HMGB1: variants seen among roughly 807,000 people sequenced by gnomAD.
HMGB1 encodes high mobility group protein B1.
For missense variants in HMGB1, 79 were observed against 253.5 expected, an observed-to-expected ratio of 0.31 and a Z score of 4.67; for synonymous variants, 81 against 84.0, an observed-to-expected ratio of 0.96 and a Z score of 0.19.
chr13:30,522,108 A>ATTT (rs778790597), intron 1 of HMGB1, among the ~76,000 whole-genome samples: 4 of 43,302 alleles, frequency 9.2e-5, no homozygotes, highest in African/African-American at 8.3e-5. Context: ...TAATTATGAT[A>ATTT]CTTTTTTTTT....
rs1423282974 is a variant in HMGB1, at chr13:30,465,842, G to T, written c.-61C>A. 1.3e-5 allele frequency: 13 copies of T among 985,536 alleles called. No homozygotes were observed. Among genetic ancestry groups the T allele is most frequent in the African/African-American group, 3.5e-5 (2 of 57,350 alleles). The allele number at this position is 985,536 out of a possible 1,614,324, so 61.0% of individuals were successfully genotyped here. A position where few individuals can be genotyped will look rare whatever the true frequency, so the allele number is the denominator to read the frequency against. ...CCCAGTGCCCGTCCGGCTCTCACTT[G>T]CCCCGGTGCTGTCTCTATGGAGCTC... On this transcript the variant is annotated 5_prime_UTR_variant, in exon 1 of 5. Transcript: ENST00000341423.
intron 1 of HMGB1, among the ~76,000 whole-genome samples, chr13:30,547,559 G>T (rs1050870251): frequency 7.9e-5 from 12 of 152,156 alleles, no homozygotes; most frequent in Admixed American, 3.3e-4. Context: ...GGGGTGGTTT[G>T]CTATAGAGCA....
In HMGB1 at chr13:30,554,210, C is replaced by A; in HGVS notation, c.-15+62461G>T. The A allele has an allele frequency of 2.8e-6, 4 of 1,439,488 alleles. No individual in the cohort carries two copies. In the South Asian group the frequency reaches 4.6e-5, roughly 16 times the overall value. 89.2% of individuals were successfully genotyped at this position (1,439,488 alleles called of 1,614,324 possible). A position where few individuals can be genotyped will look rare whatever the true frequency, so the allele number is the denominator to read the frequency against. On this transcript the variant is annotated intron_variant, in intron 1 of 4. Coordinates refer to the HMGB1 transcript ENST00000405805. ...ATCTCACTTGCATTATACGACCTGGCCAGATTTTGGAGTCCCTGAATCACC... is the reference window on the plus strand; with the variant it reads ...ATCTCACTTGCATTATACGACCTGGACAGATTTTGGAGTCCCTGAATCACC...
intron 1 of HMGB1, among the ~76,000 whole-genome samples, chr13:30,493,117 T>C (rs1887536925): frequency 6.6e-6 from 1 of 151,686 alleles, no homozygotes; most frequent in African/African-American, 2.4e-5. Context: ...TGTACAGCAA[T>C]GTTCATTGTA....
intron 1 of HMGB1, chr13:30,553,931 G>A: frequency 6.2e-6 from 9 of 1,444,942 alleles, no homozygotes; most frequent in East Asian, 4.6e-5. Flanking sequence ...TCTTAACACC[G>A]GGTCCACTTC....
chr13:30,563,287 T>C (rs1376244760), intron 1 of HMGB1, among the ~76,000 whole-genome samples: 1 of 152,000 alleles, frequency 6.6e-6, no homozygotes, highest in Non-Finnish European at 1.5e-5. Context: ...TGGCCAGGAG[T>C]GATAACATTG....
chr13:30,517,941 C>T (rs1307487499), intron 1 of HMGB1, among the ~76,000 whole-genome samples: 1 of 152,180 alleles, frequency 6.6e-6, no homozygotes, highest in Non-Finnish European at 1.5e-5. Flanking sequence ...CTTGTGTTTG[C>T]TTTGACTTCC....
At chr13:30,596,834 C>T (rs369837446) in intron 1 of HMGB1, among the ~76,000 whole-genome samples, 6 of 152,076 alleles carry the variant, frequency 3.9e-5, no homozygotes, top group Non-Finnish European at 5.9e-5. Context: ...CCATGATTAA[C>T]GGAAGGCATA....
At chr13:30,584,352 C>A (rs1871050895) in intron 1 of HMGB1, among the ~76,000 whole-genome samples, 1 of 152,176 alleles carries the variant, frequency 6.6e-6, no homozygotes, top group Admixed American at 6.5e-5. Context: ...AATCTTAGCT[C>A]AAAGAGGCTT....
At position 30,460,595 on chromosome 13, in the gene HMGB1, G is replaced by C. The variant is rs1037458284; in HGVS notation, c.*762C>G. 2 of 152,552 alleles carry C rather than the reference G, an allele frequency of 1.3e-5. No individual in the cohort carries two copies. Among genetic ancestry groups the C allele is most frequent in the African/African-American group, 4.8e-5 (2 of 41,428 alleles). The allele number at this position is 152,552 out of a possible 1,614,324, so 9.4% of individuals were successfully genotyped here. A position where few individuals can be genotyped will look rare whatever the true frequency, so the allele number is the denominator to read the frequency against. ...TCAAGGACAGACTTTCAAAATGTTT[G>C]ATTCTAATAATCCCATGCTTTGAGT... On this transcript the variant is annotated 3_prime_UTR_variant, in exon 5 of 5. Coordinates refer to ENST00000341423, the MANE Select transcript of HMGB1 (RefSeq NM_002128.7).
rs562734613 is a variant in HMGB1 at position 30,509,317 on chromosome 13, C to A, written c.-14-45623G>T. The stretch of plus-strand genomic sequence containing the variant: ...GTGGTGGTGTGATCTTGGCTCACTG[C>A]AACCTCTGCCTCCTGGGTTCATATG... On this transcript the variant is annotated intron_variant, in intron 1 of 4. Coordinates refer to the HMGB1 transcript ENST00000405805. Among the ~76,000 whole-genome samples the A allele has an allele frequency of 4.6e-5, 7 of 151,448 alleles. No homozygotes were observed. The East Asian group carries it at 1.3e-3, about 29-fold the overall frequency.
rs529545514 is a variant in HMGB1 at position 30,555,245 on chromosome 13, G to A, written c.-15+61426C>T. On this transcript the variant is annotated intron_variant, in intron 1 of 4. Coordinates refer to the HMGB1 transcript ENST00000405805. ...TTTAGTAGAGATGGGGTTTCACCGT[G>A]TTCGCCAGGATGGTCTCGATCTCCT... Among the ~76,000 whole-genome samples, 12 of 151,998 alleles carry A rather than the reference G, an allele frequency of 7.9e-5. No individual in the cohort carries two copies. In the East Asian group the frequency reaches 2.1e-3, roughly 27 times the overall value.
intron 1 of HMGB1, among the ~76,000 whole-genome samples, chr13:30,539,208 T>A (rs1868746986): frequency 6.6e-6 from 1 of 152,138 alleles, no homozygotes; most frequent in Non-Finnish European, 1.5e-5. Flanking sequence ...GCCCAGAAGT[T>A]TTTTACTGAA....
intron 1 of HMGB1, among the ~76,000 whole-genome samples, chr13:30,598,922 A>G (rs1420660695): frequency 6.6e-6 from 1 of 151,760 alleles, no homozygotes; most frequent in Non-Finnish European, 1.5e-5. Context: ...TTATATATGC[A>G]TATGCATATA....
chr13:30,471,588 C>T (rs1208458657), intron 1 of HMGB1, among the ~76,000 whole-genome samples: 3 of 145,916 alleles, frequency 2.1e-5, no homozygotes, highest in Middle Eastern at 3.5e-3. Flanking sequence ...CTCCTAACAT[C>T]AGGTGATCCA....
At position 30,595,450 on chromosome 13, in the gene HMGB1, A is replaced by C. The variant is rs539982415; in HGVS notation, c.-15+21221T>G. Among the ~76,000 whole-genome samples the C allele has an allele frequency of 8.5e-5, 13 of 152,362 alleles. No homozygotes were observed. In the South Asian group the frequency reaches 2.7e-3, roughly 32 times the overall value. On this transcript the variant is annotated intron_variant, in intron 1 of 4. Transcript: ENST00000405805. ...TCAGACACAAGCTCTGCTCAGTAAAAATCTAGTGGCAGATGATATATACAA... is the reference window on the plus strand; with the variant it reads ...TCAGACACAAGCTCTGCTCAGTAAACATCTAGTGGCAGATGATATATACAA...
At chr13:30,523,017 C>T (rs562421756) in intron 1 of HMGB1, among the ~76,000 whole-genome samples, 7 of 152,328 alleles carry the variant, frequency 4.6e-5, no homozygotes, top group African/African-American at 1.7e-4. Flanking sequence ...CCTGGCCCAA[C>T]TTGCAACAAA....
rs1218112767 is a variant in HMGB1, at chr13:30,538,901, T to G, written c.-14-75207A>C. Among the ~76,000 whole-genome samples, 6 of 151,800 alleles carry G rather than the reference T, an allele frequency of 4.0e-5. No homozygotes were observed. In the East Asian group the frequency reaches 1.2e-3, roughly 29 times the overall value. ...AAAAATGGCCCAAAGGTGTTTTGTT[T>G]TGTTTTGTTTTTTGAGATGGAGTCT... On this transcript the variant is annotated intron_variant, in intron 1 of 4. Coordinates refer to the HMGB1 transcript ENST00000405805.
intron 1 of HMGB1, among the ~76,000 whole-genome samples, chr13:30,482,587 C>T (rs1428778500): frequency 6.6e-6 from 1 of 152,108 alleles, no homozygotes; most frequent in Non-Finnish European, 1.5e-5. Context: ...TGTTCCAAAC[C>T]CATCTTTCTG....
Sources: gnomAD v4.1 joint callset for allele counts (sites outside exome capture counted in the v4.1 genomes callset) on GRCh38, gnomAD v4.1.1 for gene constraint, MANE v1.5 for transcripts, NCBI Gene and HGNC (gene_info 2026-07-23, HGNC 2026-07-21) for gene names.